SLC1A6: variants seen among roughly 807,000 people sequenced by gnomAD.
SLC1A6 encodes the protein solute carrier family 1 member 6.
Under a neutral mutation model 42.1 loss-of-function variants are expected in SLC1A6, and 15 were observed. The observed-to-expected ratio is 0.36, with a 90% CI of 0.24 to 0.55. The LOEUF is 0.55. SLC1A6 is among the 20% of genes least tolerant of loss of function. The pLI, the probability that SLC1A6 is intolerant of heterozygous loss-of-function variation, is 0.88. For missense variants in SLC1A6, 542 were observed against 772.5 expected (o/e 0.70, Z 3.54); for synonymous variants, 317 against 319.7 (o/e 0.99, Z 0.09).
intron 8 of SLC1A6, among the ~76,000 whole-genome samples, chr19:14,953,913 G>C (rs530103590): frequency 6.6e-6 from 1 of 152,340 alleles, no homozygotes; most frequent in South Asian, 2.1e-4. Context: ...ACGTGAGAGG[G>C]AAACTGACAG....
chr19:15,006,310 C>G (rs181853282), intron 1 of SLC1A6, among the ~76,000 whole-genome samples: 13 of 152,230 alleles, frequency 8.5e-5, no homozygotes, highest in Admixed American at 7.2e-4. Context: ...TAATTTGAAT[C>G]CTAGTTCATC....
intron 3 of SLC1A6, among the ~76,000 whole-genome samples, chr19:14,971,038 A>T (rs2045634566): frequency 6.6e-6 from 1 of 152,012 alleles, no homozygotes; most frequent in African/African-American, 2.4e-5. Flanking sequence ...GCTGAAGTGG[A>T]GGAATTGCTT....
At chr19:14,983,807 C>T (rs79422099), upstream of SLC1A6, among the ~76,000 whole-genome samples, 157 of 150,146 alleles carry the variant, frequency 1.0e-3, 4 homozygotes, top group East Asian at 0.025. Context: ...GTAAGCTATG[C>T]TCAGACATAA....
At chr19:14,981,826 A>G (rs2145225241), upstream of SLC1A6, among the ~76,000 whole-genome samples, 1 of 152,338 alleles carries the variant, frequency 6.6e-6, no homozygotes, top group South Asian at 2.1e-4. Context: ...GGCATCCGAT[A>G]ATCTACCTGC....
exon 1 of SLC1A6, chr19:15,010,618 A>C: frequency 1.6e-6 from 1 of 636,822 alleles, no homozygotes; most frequent in Non-Finnish European, 2.8e-6. Context: ...TCAGGATGCC[A>C]GTGCACTTAG....
chr19:14,962,453 C>G, intron 5 of SLC1A6, 108 bp from the exon 6 acceptor site: 1 of 735,622 alleles, frequency 1.4e-6, no homozygotes. Flanking sequence ...CCTGGAAGAT[C>G]GATAAGATCT....
chr19:14,964,272 C>A (rs374371119), intron 5 of SLC1A6, 47 bp downstream of exon 5: 4 of 1,565,818 alleles, frequency 2.6e-6, no homozygotes, highest in Non-Finnish European at 3.5e-6. Flanking sequence ...CCCAAGCTCC[C>A]ACCACCCTCC....
upstream of SLC1A6, among the ~76,000 whole-genome samples, chr19:14,982,204 CT>C (rs2045771689): frequency 6.6e-6 from 1 of 152,088 alleles, no homozygotes; most frequent in South Asian, 2.1e-4. Flanking sequence ...ATTAGGAAAT[CT>C]GAATAGAGTA....
intron 9 of SLC1A6, among the ~76,000 whole-genome samples, chr19:14,951,273 A>AAAAAAGAAAG (rs1555704148): frequency 0.11 from 11,096 of 98,318 alleles, 202 homozygotes; most frequent in African/African-American, 0.12. Context: ...AAAAAAAAAA[A>AAAAAAGAAAG]AAAAAGAAAG....
intron 1 of SLC1A6, among the ~76,000 whole-genome samples, chr19:15,006,089 C>A (rs1213303724): frequency 6.6e-6 from 1 of 152,174 alleles, no homozygotes; most frequent in African/African-American, 2.4e-5. Flanking sequence ...TGAAATAGCT[C>A]ATTCATGGAT....
chr19:14,970,132 G>T (rs2045620690), intron 3 of SLC1A6, among the ~76,000 whole-genome samples: 1 of 152,152 alleles, frequency 6.6e-6, no homozygotes, highest in African/African-American at 2.4e-5. Flanking sequence ...CTAGAGTGCA[G>T]TGGTGCCATC....
chr19:15,003,667 AAAAAAAAG>A (rs1165580136), intron 1 of SLC1A6, among the ~76,000 whole-genome samples: 1 of 145,564 alleles, frequency 6.9e-6, no homozygotes, highest in Admixed American at 6.8e-5. Context: ...TGCCAAAAAA[AAAAAAAAG>A]AAAGAAAAGA....
intron 1 of SLC1A6, chr19:14,975,417 T>G (rs978581500): frequency 2.6e-5 from 4 of 152,088 alleles, no homozygotes; most frequent in Non-Finnish European, 5.9e-5. Flanking sequence ...CCCATCAATA[T>G]GTACAAGTAT....
intron 1 of SLC1A6, among the ~76,000 whole-genome samples, chr19:14,997,079 G>A (rs1188689038): frequency 6.6e-6 from 1 of 152,136 alleles, no homozygotes; most frequent in Non-Finnish European, 1.5e-5. Context: ...TAAGATAAAA[G>A]AGCTACATAT....
At chr19:14,999,654 C>T (rs1490630070) in intron 1 of SLC1A6, among the ~76,000 whole-genome samples, 1 of 152,180 alleles carries the variant, frequency 6.6e-6, no homozygotes, top group Non-Finnish European at 1.5e-5. Context: ...CACTGCAAAT[C>T]TCTTTCAGCA....
At chr19:14,989,633 G>T (rs969048797) in intron 1 of SLC1A6, among the ~76,000 whole-genome samples, 20 of 152,110 alleles carry the variant, frequency 1.3e-4, no homozygotes, top group African/African-American at 4.3e-4. Flanking sequence ...TGCTCTGTTG[G>T]TGGGAATGTA....
chr19:14,990,724 A>G (rs10410388), intron 1 of SLC1A6, among the ~76,000 whole-genome samples: 106,697 of 151,276 alleles, frequency 0.71, 37,969 homozygotes, highest in African/African-American at 0.8. Flanking sequence ...AGCCAAGATC[A>G]TACCACTGCA....
At chr19:14,965,615 T>C (rs1172759247) in intron 4 of SLC1A6, among the ~76,000 whole-genome samples, 1 of 152,142 alleles carries the variant, frequency 6.6e-6, no homozygotes, top group African/African-American at 2.4e-5. Flanking sequence ...TTTGGAAGGC[T>C]GAGATGAGTG....
At position 14,979,052 on chromosome 19, in the gene SLC1A6, A is replaced by T. The variant is rs1303185366; in HGVS notation, c.-8+257T>A. Reference sequence around the variant, plus strand: ...AATTCAGTCTCTCTCTCTCTCTGTCACACACACACACACACACACACACAC... The same window carrying T: ...AATTCAGTCTCTCTCTCTCTCTGTCTCACACACACACACACACACACACAC... On this transcript the variant is annotated intron_variant, in intron 1 of 9. Transcript: ENST00000594383. The surrounding 1 kb of genome is among the most constrained non-coding windows in gnomAD (Gnocchi z 4.2). Among the ~76,000 whole-genome samples the T allele has an allele frequency of 0.013, 300 of 23,306 alleles. 1 individual carries two copies. In the African/African-American group the frequency reaches 0.15, roughly 11 times the overall value. 15.3% of individuals were successfully genotyped at this position (23,306 alleles called of 152,430 possible).
Sources: allele counts gnomAD v4.1 joint callset (sites outside exome capture counted in the v4.1 genomes callset), GRCh38; gene constraint gnomAD v4.1.1; non-coding constraint Gnocchi (gnomAD v3.1); transcripts MANE v1.5; gene names NCBI Gene and HGNC (gene_info 2026-07-23, HGNC 2026-07-21).